Variants in POU2F2 observed in about 807,000 individuals in gnomAD.
The protein encoded by POU2F2 is POU domain, class 2, transcription factor 2.
A neutral mutation model predicts 63.5 loss-of-function variants in POU2F2; 14 were observed. That is an observed-to-expected ratio of 0.22 (90% CI 0.15 to 0.34). The LOEUF (loss-of-function observed/expected upper bound fraction) is 0.34. POU2F2 is among the 10% of genes least tolerant of loss of function. POU2F2 has a pLI of 1.00. For missense variants in POU2F2, 607 were observed against 815.2 expected (o/e 0.74, Z 3.11); for synonymous variants, 306 against 348.6 (o/e 0.88, Z 1.36).
intron 2 of POU2F2, among the ~76,000 whole-genome samples, chr19:42,154,556 C>G (rs1017033154): frequency 6.6e-6 from 1 of 151,342 alleles, no homozygotes; most frequent in Non-Finnish European, 1.5e-5. Context: ...AAAGAGAGAA[C>G]GGGGGCCAGA....
Position 42,143,064 on chromosome 19 carries a change from C to T in POU2F2, c.-9+17268G>A, listed in dbSNP as rs536265229. Among the ~76,000 whole-genome samples the T allele has an allele frequency of 8.5e-5, 13 of 152,218 alleles. No homozygotes were observed. The East Asian group carries it at 1.7e-3, about 20-fold the overall frequency. On this transcript the variant is annotated intron_variant, in intron 2 of 6. Transcript: ENST00000524801. ...AGTGGTGAATGCACAGATGTTCACT[C>T]GATCAAGATTCATTAAACTGGCCAG... is the stretch of plus-strand genomic sequence containing the variant.
In POU2F2 at chr19:42,124,194, T is replaced by C. The variant is rs749373099; in HGVS notation, c.29-1618A>G. On this transcript the variant is annotated intron_variant, in intron 1 of 14. Transcript: ENST00000692977. ...TGGCACGCACCTGTAGTCCCAGCTA[T>C]TGGGGAGGCTGAGGCAGGAGAATCG... Among the ~76,000 whole-genome samples, 35 of 151,142 alleles carry C rather than the reference T, an allele frequency of 2.3e-4. 1 individual carries two copies. The highest frequency in any genetic ancestry group is 7.3e-4 in the African/African-American group (30 of 41,104).
At position 42,122,122 on chromosome 19, in the gene POU2F2, T is replaced by C; in HGVS notation, c.186+4A>G. 6.2e-7 allele frequency: 1 copy of C among 1,611,986 alleles called. No individual in the cohort carries two copies. The highest frequency in any genetic ancestry group is 1.1e-5 in the South Asian group (1 of 91,024). On this transcript the variant is annotated splice_donor_region_variant and intron_variant, in intron 4 of 14. Transcript: ENST00000692977. ...CTTCCCTGGCTGTTCTGACAGGTGCTTACCTTTGTACTGGGGCCAGTTGGG... is the reference window on the plus strand; with the variant it reads ...CTTCCCTGGCTGTTCTGACAGGTGCCTACCTTTGTACTGGGGCCAGTTGGG...
At chr19:42,144,346 C>G (rs2034188650) in intron 2 of POU2F2, among the ~76,000 whole-genome samples, 1 of 152,230 alleles carries the variant, frequency 6.6e-6, no homozygotes, top group South Asian at 2.1e-4. Context: ...CCTCCACACC[C>G]TGCAAAAGGG....
chr19:42,117,017 C>T lies in POU2F2; in HGVS notation c.369+233G>A, dbSNP rs759410771. On this transcript the variant is annotated intron_variant, in intron 5 of 14. Transcript: ENST00000692977. This position sits in a 1 kb window ranked among gnomAD's most constrained non-coding sequence, Gnocchi z 4.4. ...ATCAGTGCCGTGAGCTGCGGGGTGTCGGGGACAGCAGGAATTGGAGCAAGG... is the reference window on the plus strand; with the variant it reads ...ATCAGTGCCGTGAGCTGCGGGGTGTTGGGGACAGCAGGAATTGGAGCAAGG... The T allele has an allele frequency of 1.9e-5, 12 of 630,164 alleles. No homozygotes were observed. Among genetic ancestry groups the T allele is most frequent in the East Asian group, 5.8e-5 (2 of 34,528 alleles). The allele number at this position is 630,164 out of a possible 1,614,324, so 39.0% of individuals were successfully genotyped here. A position where few individuals can be genotyped will look rare whatever the true frequency, so the allele number is the denominator to read the frequency against.
rs552147202 is a variant in POU2F2 at position 42,103,778 on chromosome 19, G to A, written c.370-3957C>T. On this transcript the variant is annotated intron_variant, in intron 5 of 14. Transcript: ENST00000692977. Reference sequence around the variant, plus strand: ...CTCCCAAGTAGCTGGGACTACAGGCGCCCGCCACCACGCCTGGCTAATTTT... The same window carrying A: ...CTCCCAAGTAGCTGGGACTACAGGCACCCGCCACCACGCCTGGCTAATTTT... 1.9e-4 allele frequency among the ~76,000 whole-genome samples: 29 copies of A among 151,856 alleles called. No homozygotes were observed. In the South Asian group the frequency reaches 4.6e-3, roughly 24 times the overall value.
upstream of POU2F2, among the ~76,000 whole-genome samples, chr19:42,176,261 T>A (rs1196935764): frequency 6.6e-6 from 1 of 152,186 alleles, no homozygotes; most frequent in African/African-American, 2.4e-5. Context: ...TTCTCTGTCC[T>A]CGCTCCTTTT....
Position 42,089,509 on chromosome 19 carries a change from C to G in POU2F2, c.*1748G>C, listed in dbSNP as rs994417183. 1 of 152,150 alleles carries G rather than the reference C, an allele frequency of 6.6e-6. No individual in the cohort carries two copies. Among genetic ancestry groups the G allele is most frequent in the Non-Finnish European group, 1.5e-5 (1 of 67,930 alleles). 9.4% of individuals were successfully genotyped at this position (152,150 alleles called of 1,614,324 possible). ...AGCCCCGCCCACCCGCTTCCATCTG[C>G]CCTGGCCGAGGGACAGGCCCTGCCC... is the stretch of plus-strand genomic sequence containing the variant. On this transcript the variant is annotated 3_prime_UTR_variant, in exon 15 of 15. Transcript: ENST00000692977.
chr19:42,178,497 AGAGGT>A (rs2034922974), upstream of POU2F2, among the ~76,000 whole-genome samples: 1 of 152,210 alleles, frequency 6.6e-6, no homozygotes, highest in Non-Finnish European at 1.5e-5. Flanking sequence ...AGACACACAC[AGAGGT>A]AAGAGATATA....
At position 42,174,405 on chromosome 19, in the gene POU2F2, C is replaced by G. The variant is rs545700036; in HGVS notation, c.-70+1558G>C. Among the ~76,000 whole-genome samples the G allele has an allele frequency of 1.7e-4, 26 of 152,346 alleles. No homozygotes were observed. In the East Asian group the frequency reaches 4.6e-3, roughly 27 times the overall value. On this transcript the variant is annotated intron_variant, in intron 1 of 6. Transcript: ENST00000524801. ...CTGAAGCCAGACTCGGCACATGGGC[C>G]TGCACACGCGTGGACGGCTTCCACG...
chr19:42,187,506 A>T (rs908474843), intron 1 of POU2F2, among the ~76,000 whole-genome samples: 1 of 151,052 alleles, frequency 6.6e-6, no homozygotes, highest in African/African-American at 2.4e-5. Context: ...TCAAGCTTGT[A>T]ATCCTAGCAC....
At chr19:42,122,965 G>A (rs988856716) in intron 1 of POU2F2, among the ~76,000 whole-genome samples, 21 of 152,170 alleles carry the variant, frequency 1.4e-4, no homozygotes, top group Admixed American at 2.6e-4. Flanking sequence ...GGGGCGGGCC[G>A]CCCAGGCTCC....
chr19:42,174,603 C>T (rs2034836710), intron 1 of POU2F2, among the ~76,000 whole-genome samples: 1 of 151,954 alleles, frequency 6.6e-6, no homozygotes, highest in Admixed American at 6.6e-5. Flanking sequence ...CGATTCTACA[C>T]CTTTGGCTCC....
intron 1 of POU2F2, among the ~76,000 whole-genome samples, chr19:42,131,259 C>G (rs112044534): frequency 6.6e-6 from 1 of 151,966 alleles, no homozygotes; most frequent in South Asian, 2.1e-4. Flanking sequence ...CTCCAATAAA[C>G]TGGGAGCTCC....
intron 1 of POU2F2, among the ~76,000 whole-genome samples, chr19:42,190,582 G>A (rs942383946): frequency 1.2e-4 from 18 of 152,062 alleles, no homozygotes; most frequent in African/African-American, 4.1e-4. Context: ...GGCTGGGCAC[G>A]ATGGCTCACA....
intron 4 of POU2F2, among the ~76,000 whole-genome samples, chr19:42,118,328 A>G (rs1464770969): frequency 6.6e-6 from 1 of 152,194 alleles, no homozygotes; most frequent in Non-Finnish European, 1.5e-5. Flanking sequence ...ACAAAGTCAG[A>G]TGCTTACAGA....
intron 2 of POU2F2, among the ~76,000 whole-genome samples, chr19:42,139,931 T>C (rs529441962): frequency 6.6e-6 from 1 of 152,326 alleles, no homozygotes; most frequent in Admixed American, 6.5e-5. Context: ...TCATCCTCAC[T>C]TTAAAGATGA....
upstream of POU2F2, chr19:42,177,387 C>T (rs1245574561): frequency 6.6e-6 from 1 of 152,354 alleles, no homozygotes; most frequent in Admixed American, 6.5e-5. Flanking sequence ...CCATGGCAAC[C>T]CCGGGCCCAA....
At chr19:42,126,554 C>G (rs902223151) in intron 1 of POU2F2, among the ~76,000 whole-genome samples, 2 of 152,120 alleles carry the variant, frequency 1.3e-5, no homozygotes, top group African/African-American at 4.8e-5. Flanking sequence ...AGGAGAGAGG[C>G]CTTGGAAGAG....
Sources: gnomAD v4.1 joint callset for allele counts (sites outside exome capture counted in the v4.1 genomes callset) on GRCh38, gnomAD v4.1.1 for gene constraint, Gnocchi (gnomAD v3.1) non-coding constraint, MANE v1.5 for transcripts, NCBI Gene and HGNC (gene_info 2026-07-23, HGNC 2026-07-21) for gene names.